SCAP: variants seen among roughly 807,000 people sequenced by gnomAD.
SCAP encodes the protein SREBF chaperone.
A neutral mutation model predicts 123.6 loss-of-function variants in SCAP; 65 were observed. That is an observed-to-expected ratio of 0.53 (90% CI 0.43 to 0.65). SCAP has a LOEUF of 0.65. SCAP is among the 30% of genes least tolerant of loss of function. The pLI, the probability that SCAP is intolerant of heterozygous loss-of-function variation, is 0.00. For missense variants in SCAP, 1,398 were observed against 1,712.5 expected, an observed-to-expected ratio of 0.82 and a Z score of 3.24; for synonymous variants, 740 against 726.3, an observed-to-expected ratio of 1.02 and a Z score of -0.30.
intron 8 of SCAP, chr3:47,425,199 T>G: frequency 2.7e-6 from 1 of 372,226 alleles, no homozygotes; most frequent in Non-Finnish European, 4.9e-6. Flanking sequence ...CATACTCATG[T>G]ATACACAAAC....
intron 1 of SCAP, among the ~76,000 whole-genome samples, chr3:47,464,991 C>G (rs935691650): frequency 6.6e-6 from 1 of 151,834 alleles, no homozygotes; most frequent in African/African-American, 2.4e-5. Context: ...AATCTAAAAA[C>G]AAAATTAGGA....
chr3:47,417,034 T>G (rs2107757669), intron 18 of SCAP, 88 bp downstream of exon 18: 5 of 1,187,218 alleles, frequency 4.2e-6, no homozygotes, highest in Non-Finnish European at 6.1e-6. Flanking sequence ...GTACAGCAGT[T>G]GAAGAGAACC....
chr3:47,416,959 C>T (rs868586993), intron 18 of SCAP, among the ~76,000 whole-genome samples, 163 bp downstream of exon 18: 3 of 152,204 alleles, frequency 2.0e-5, no homozygotes, highest in South Asian at 2.1e-4. Context: ...CCTTCCCATC[C>T]AAGTGGACTG....
chr3:47,467,796 T>A (rs1707879249), intron 1 of SCAP, among the ~76,000 whole-genome samples: 1 of 152,250 alleles, frequency 6.6e-6, no homozygotes, highest in African/African-American at 2.4e-5. Flanking sequence ...TACATATGCA[T>A]ACATGTGCCA....
chr3:47,445,470 A>T (rs1174074618), intron 1 of SCAP, among the ~76,000 whole-genome samples: 1 of 149,324 alleles, frequency 6.7e-6, no homozygotes, highest in Admixed American at 6.7e-5. Context: ...CTGCTCTCGA[A>T]CTCCTAACCA....
Position 47,454,211 on chromosome 3 carries a change from C to CA in SCAP, c.-98-11121dup, listed in dbSNP as rs573202430. 4.0e-4 allele frequency among the ~76,000 whole-genome samples: 61 copies of CA among 151,888 alleles called. 1 individual carries two copies. In the East Asian group the frequency reaches 0.01, roughly 26 times the overall value. On this transcript the variant is annotated intron_variant, in intron 1 of 22. Transcript: ENST00000265565. ...TGAAACCCTGTCTCTACTAAAAATA[C>CA]AAAAAATTAGCCGGGCGAGGTGGCG...
chr3:47,443,129 C>G, intron 1 of SCAP, 38 bp from the exon 2 acceptor site: 1 of 1,464,064 alleles, frequency 6.8e-7, no homozygotes, highest in Non-Finnish European at 9.1e-7. Context: ...ACAAAGAGTA[C>G]TTGGCTCTGC....
intron 1 of SCAP, 47 bp from the exon 2 acceptor site, chr3:47,443,138 G>T: frequency 7.2e-7 from 1 of 1,383,422 alleles, no homozygotes; most frequent in Non-Finnish European, 9.6e-7. Flanking sequence ...ACTTGGCTCT[G>T]CACACTAGGG....
At chr3:47,474,085 G>A (rs1708173428) in intron 1 of SCAP, among the ~76,000 whole-genome samples, 2 of 152,066 alleles carry the variant, frequency 1.3e-5, no homozygotes, top group Admixed American at 6.6e-5. Context: ...CTAACACGGT[G>A]AAACCCCGTC....
At chr3:47,426,249 C>T in intron 6 of SCAP, 80 bp from the exon 7 acceptor site, 1 of 1,385,658 alleles carries the variant, frequency 7.2e-7, no homozygotes, top group South Asian at 1.3e-5. Flanking sequence ...GACAGAGGGT[C>T]CATCAGGACC....
chr3:47,425,906 C>G, intron 7 of SCAP, 91 bp downstream of exon 7: 1 of 1,445,284 alleles, frequency 6.9e-7, no homozygotes, highest in Non-Finnish European at 9.5e-7. Flanking sequence ...ATCTCTCTAC[C>G]CCAAGCCACC....
chr3:47,448,002 CAAAAAAAAAAAAAAAA>C (rs35075035), intron 1 of SCAP, among the ~76,000 whole-genome samples: 2 of 66,306 alleles, frequency 3.0e-5, no homozygotes, highest in African/African-American at 1.3e-4. Flanking sequence ...GACTCCGTCT[CAAAAAAAAAAAAAAAA>C]AAAAAAAAAA....
Position 47,428,581 on chromosome 3 carries a change from T to C in SCAP, c.342A>G (p.Val114=), listed in dbSNP as rs142666038. The C allele has an allele frequency of 3.3e-5, 54 of 1,614,108 alleles. 1 individual carries two copies. In the African/African-American group the frequency reaches 5.1e-4, roughly 15 times the overall value. Reference sequence around the variant, plus strand: ...ATGCCCGGGACAAAGGTGAACGAAATACATCTACTGCCAGGAGGTTCTTGT... The same window carrying C: ...ATGCCCGGGACAAAGGTGAACGAAACACATCTACTGCCAGGAGGTTCTTGT... ...PWHKNLLAVD[V]FRSPLSRAFQ... is the part of the protein sequence containing the mutation. Residue 114 remains valine (V), a synonymous_variant, in exon 4 of 23, where the codon GTA becomes GTG. Coordinates refer to ENST00000265565, the MANE Select transcript of SCAP (RefSeq NM_012235.4).
rs190633695 is a variant in SCAP at position 47,433,782 on chromosome 3, C to T, written c.252+1226G>A. ...ACTCAGGAGGCTGAGGCAGGAGAAT[C>T]GCTTTCAACCCAGGAGACAGAGGTT... is the stretch of plus-strand genomic sequence containing the variant. On this transcript the variant is annotated intron_variant, in intron 3 of 22. Coordinates refer to ENST00000265565, the MANE Select transcript of SCAP (RefSeq NM_012235.4). 9.9e-5 allele frequency among the ~76,000 whole-genome samples: 15 copies of T among 152,206 alleles called. No homozygotes were observed. In the East Asian group the frequency reaches 2.9e-3, roughly 29 times the overall value.
chr3:47,464,885 C>A (rs1294758312), intron 1 of SCAP, among the ~76,000 whole-genome samples: 1 of 152,196 alleles, frequency 6.6e-6, no homozygotes, highest in Non-Finnish European at 1.5e-5. Context: ...AAAGATTACA[C>A]ACACACACAG....
At chr3:47,426,747 T>TTGCCA (rs1706151170) in intron 6 of SCAP, among the ~76,000 whole-genome samples, 1 of 152,212 alleles carries the variant, frequency 6.6e-6, no homozygotes, top group South Asian at 2.1e-4. Context: ...CCAACACTCT[T>TTGCCA]GATTGCCAGA....
chr3:47,422,034 G>A (rs1174874760), intron 10 of SCAP, among the ~76,000 whole-genome samples: 5 of 152,274 alleles, frequency 3.3e-5, no homozygotes, highest in Admixed American at 1.3e-4. Context: ...GGAGGAGACC[G>A]GAGGAAGGGT....
rs369138562 is a variant in SCAP, at chr3:47,443,023, C to T, written c.-30G>A. ...AGCCGAAGTCACCTTGCTGCCATCC[C>T]GGAAAGTGACCATGGATCACCCTGG... On this transcript the variant is annotated 5_prime_UTR_variant, in exon 2 of 23. Transcript: ENST00000265565. 9.4e-5 allele frequency: 151 copies of T among 1,612,294 alleles called. No homozygotes were observed. The highest frequency in any genetic ancestry group is 2.0e-4 in the Middle Eastern group (1 of 5,112).
chr3:47,474,094 T>C (rs968696420), intron 1 of SCAP, among the ~76,000 whole-genome samples: 2 of 151,874 alleles, frequency 1.3e-5, no homozygotes, highest in African/African-American at 4.8e-5. Flanking sequence ...TGAAACCCCG[T>C]CTCTACTAAA....
Sources: gnomAD v4.1 joint callset for allele counts (sites outside exome capture counted in the v4.1 genomes callset) on GRCh38, gnomAD v4.1.1 for gene constraint, MANE v1.5 for transcripts, NCBI Gene and HGNC (gene_info 2026-07-23, HGNC 2026-07-21) for gene names.